The following NDST4 variants were observed in gnomAD, a reference collection of about 807,000 sequenced individuals.
NDST4 encodes the protein N-deacetylase and N-sulfotransferase 4.
Under a neutral mutation model 100.8 loss-of-function variants are expected in NDST4, and 63 were observed. The observed-to-expected ratio is 0.62, with a 90% CI of 0.51 to 0.77. The LOEUF is 0.77. NDST4 is among the 30% of genes least tolerant of loss of function. NDST4 has a pLI of 0.00. For missense variants in NDST4, 943 were observed against 1,018.4 expected (o/e 0.93, Z 1.01); for synonymous variants, 377 against 361.8 (o/e 1.04, Z -0.48).
intron 1 of NDST4, among the ~76,000 whole-genome samples, chr4:115,106,979 C>A (rs1211080578): frequency 6.6e-6 from 1 of 151,918 alleles, no homozygotes; most frequent in African/African-American, 2.4e-5. Context: ...ACATGACACC[C>A]CATCTTTACA....
Position 115,076,776 on chromosome 4 carries a change from T to C in NDST4, c.261A>G (p.Gln87=), listed in dbSNP as rs1729194518. The C allele has an allele frequency of 1.2e-6, 2 of 1,614,034 alleles. No homozygotes were observed. Among genetic ancestry groups the C allele is most frequent in the Non-Finnish European group, 8.5e-7 (1 of 1,179,942 alleles). The part of the protein sequence containing the change: ...DPTVLLFVES[Q]YSQLGQDIIA... ...TGATATCTTGACCGAGTTGAGAGTA[T>C]TGGCTCTCCACGAAGAGAAGGACAG... Residue 87 remains glutamine (Q), a synonymous_variant, in exon 2 of 14, where the codon CAA becomes CAG. Transcript: ENST00000264363.
At chr4:114,903,908 T>C (rs1179404146) in intron 6 of NDST4, among the ~76,000 whole-genome samples, 2 of 152,044 alleles carry the variant, frequency 1.3e-5, no homozygotes, top group African/African-American at 4.8e-5. Context: ...ACTTCAGTTA[T>C]AGATATCAAA....
intron 6 of NDST4, among the ~76,000 whole-genome samples, chr4:114,901,375 T>C (rs1578376436): frequency 6.6e-6 from 1 of 152,212 alleles, no homozygotes; most frequent in East Asian, 1.9e-4. Context: ...ATTTTATTAT[T>C]TAATGCCCCT....
Position 114,977,176 on chromosome 4 carries a change from C to A in NDST4, c.1066+11G>T, listed in dbSNP as rs780506720. 7.1e-6 allele frequency: 11 copies of A among 1,553,218 alleles called. No homozygotes were observed. The highest frequency in any genetic ancestry group is 1.7e-5 in the Admixed American group (1 of 57,292). ...TATGTAGCTGCCTGAGAACACAAAGCTCCTTCTTACCTGTGTGGTAAAACT... is the reference window on the plus strand; with the variant it reads ...TATGTAGCTGCCTGAGAACACAAAGATCCTTCTTACCTGTGTGGTAAAACT... On this transcript the variant is annotated intron_variant, in intron 3 of 13. Transcript: ENST00000264363.
At chr4:115,086,068 A>C (rs888962645) in intron 1 of NDST4, among the ~76,000 whole-genome samples, 1 of 152,202 alleles carries the variant, frequency 6.6e-6, no homozygotes, top group African/African-American at 2.4e-5. Context: ...AATTCAAATT[A>C]TTTAATCTGG....
At position 114,872,862 on chromosome 4, in the gene NDST4, T is replaced by A. The variant is rs545450314; in HGVS notation, c.1537-1912A>T. 2.6e-5 allele frequency among the ~76,000 whole-genome samples: 4 copies of A among 152,064 alleles called. No individual in the cohort carries two copies. In the South Asian group the frequency reaches 8.3e-4, roughly 32 times the overall value. ...AGATTCCCAATTCTGACATATAATA[T>A]AACTGAAACCTTCGCCAAAACATAT... On this transcript the variant is annotated intron_variant, in intron 6 of 13. Transcript: ENST00000264363.
rs182529626 is a variant in NDST4, at chr4:115,029,948, A to G, written c.978+46111T>C. On this transcript the variant is annotated intron_variant, in intron 2 of 13. Coordinates refer to ENST00000264363, the MANE Select transcript of NDST4 (RefSeq NM_022569.3). ...AGAATGGGGCATAATTTTGTGATAA[A>G]CCAGGAATGAAAGAGCATAAAGTAT... Among the ~76,000 whole-genome samples the G allele has an allele frequency of 2.4e-4, 37 of 152,248 alleles. No homozygotes were observed. In the East Asian group the frequency reaches 5.2e-3, roughly 22 times the overall value.
intron 10 of NDST4, among the ~76,000 whole-genome samples, chr4:114,841,017 T>A (rs1435517100): frequency 6.6e-6 from 1 of 152,208 alleles, no homozygotes; most frequent in Non-Finnish European, 1.5e-5. Context: ...GTAGAAATTA[T>A]ATAATTTCAA....
At chr4:114,885,298 GCTGAC>G in intron 6 of NDST4, among the ~76,000 whole-genome samples, 1 of 152,084 alleles carries the variant, frequency 6.6e-6, no homozygotes, top group East Asian at 1.9e-4. Context: ...TGTGTCACAT[GCTGAC>G]AGTCTACCAT....
intron 2 of NDST4, among the ~76,000 whole-genome samples, chr4:115,028,991 C>T (rs878993765): frequency 5.3e-5 from 8 of 151,906 alleles, no homozygotes; most frequent in Non-Finnish European, 8.8e-5. Context: ...ACTAAGGTGA[C>T]AAGGAGGGAG....
At chr4:115,073,349 T>G (rs1016589035) in intron 2 of NDST4, among the ~76,000 whole-genome samples, 2 of 151,972 alleles carry the variant, frequency 1.3e-5, no homozygotes, top group African/African-American at 4.8e-5. Flanking sequence ...ACTTACCAAA[T>G]CAATATCTGC....
At chr4:114,828,267 A>G (rs1403009205) in intron 13 of NDST4, among the ~76,000 whole-genome samples, 1 of 152,164 alleles carries the variant, frequency 6.6e-6, no homozygotes, top group Non-Finnish European at 1.5e-5. Context: ...GGACTGCATG[A>G]GGAATGAAAT....
intron 1 of NDST4, among the ~76,000 whole-genome samples, chr4:115,077,819 A>G (rs1272744232): frequency 1.3e-5 from 2 of 152,168 alleles, no homozygotes; most frequent in African/African-American, 4.8e-5. Flanking sequence ...ACTCACAGGG[A>G]GCCACTTGGC....
chr4:114,913,731 G>GAAAA (rs56189208), intron 6 of NDST4, among the ~76,000 whole-genome samples: 2 of 125,942 alleles, frequency 1.6e-5, no homozygotes, highest in Non-Finnish European at 1.8e-5. Context: ...CTATCTCCAA[G>GAAAA]AAAAAAAAAA....
chr4:115,047,605 A>G (rs2126277241), intron 2 of NDST4, among the ~76,000 whole-genome samples: 1 of 152,262 alleles, frequency 6.6e-6, no homozygotes, highest in East Asian at 1.9e-4. Context: ...GAATAGTTTT[A>G]ATGCTATTAC....
intron 4 of NDST4, among the ~76,000 whole-genome samples, chr4:114,950,716 G>A (rs575979533): frequency 6.6e-6 from 1 of 151,948 alleles, no homozygotes; most frequent in Non-Finnish European, 1.5e-5. Context: ...TGCTCCCTCT[G>A]TTTAGGGGTT....
rs529635108 is a variant in NDST4 at position 114,981,212 on chromosome 4, A to G, written c.979-3938T>C. ...CAAAGCGAAAGAAAGAGAAGAAGAA[A>G]GGATGGAAGGAAGGAAGGAAGGAAG... On this transcript the variant is annotated intron_variant, in intron 2 of 13. Coordinates refer to ENST00000264363, the MANE Select transcript of NDST4 (RefSeq NM_022569.3). Among the ~76,000 whole-genome samples, 332 of 125,358 alleles carry G rather than the reference A, an allele frequency of 2.6e-3. 1 individual carries two copies. Among genetic ancestry groups the G allele is most frequent in the African/African-American group, 0.01 (319 of 30,832 alleles). 82.2% of individuals were successfully genotyped at this position (125,358 alleles called of 152,430 possible). A position where few individuals can be genotyped will look rare whatever the true frequency, so the allele number is the denominator to read the frequency against.
At chr4:114,842,831 A>T (rs115601575) in intron 10 of NDST4, 1,836 of 155,428 alleles carry the variant, frequency 0.012, 39 homozygotes, top group African/African-American at 0.042. Flanking sequence ...ACAACAAAAA[A>T]CTTTGTTTTC....
At chr4:114,859,961 T>C (rs1254999803) in intron 7 of NDST4, among the ~76,000 whole-genome samples, 9 of 152,222 alleles carry the variant, frequency 5.9e-5, no homozygotes, top group Non-Finnish European at 1.0e-4. Context: ...ATATTCATAC[T>C]CTATAAAATT....
Sources: allele counts gnomAD v4.1 joint callset (sites outside exome capture counted in the v4.1 genomes callset), GRCh38; gene constraint gnomAD v4.1.1; transcripts MANE v1.5; gene names NCBI Gene and HGNC (gene_info 2026-07-23, HGNC 2026-07-21).